KALRN: variants seen among roughly 807,000 people sequenced by gnomAD.
KALRN encodes kalirin RhoGEF kinase.
In KALRN, 70 loss-of-function variants were observed where a neutral mutation model predicts 353.7. That is an observed-to-expected ratio of 0.20 (90% CI 0.16 to 0.24). The LOEUF is 0.24. Ranked by LOEUF, KALRN falls within the 10% of genes least tolerant of loss-of-function variation. The probability of loss-of-function intolerance (pLI) is 1.00; values close to 1 mark genes in which losing one functional copy is unlikely to be tolerated. For synonymous variants in KALRN, 1,391 were observed against 1,434.8 expected, an observed-to-expected ratio of 0.97 and a Z score of 0.69; for missense variants, 2,791 against 3,756.7, an observed-to-expected ratio of 0.74 and a Z score of 6.72.
At chr3:124,626,839 T>C (rs773868774) in intron 34 of KALRN, among the ~76,000 whole-genome samples, 21 of 152,226 alleles carry the variant, frequency 1.4e-4, no homozygotes, top group Admixed American at 1.2e-3. Flanking sequence ...TAAGATTAAA[T>C]ACATGTGTGG....
chr3:124,285,148 C>T (rs993096814), intron 5 of KALRN, among the ~76,000 whole-genome samples: 1 of 152,104 alleles, frequency 6.6e-6, no homozygotes. Flanking sequence ...CAATCCTGAA[C>T]ATGTAAATAA....
intron 34 of KALRN, among the ~76,000 whole-genome samples, chr3:124,590,766 G>A (rs968972282): frequency 6.6e-6 from 1 of 152,012 alleles, no homozygotes; most frequent in African/African-American, 2.4e-5. Context: ...AAAAGGCTGA[G>A]GTCTGAAACC....
At chr3:124,051,091 A>G (rs2040993556) in intron 1 of KALRN, among the ~76,000 whole-genome samples, 1 of 152,238 alleles carries the variant, frequency 6.6e-6, no homozygotes, top group Non-Finnish European at 1.5e-5. Flanking sequence ...TTCCATGTAT[A>G]TACATGTATA....
At chr3:124,491,682 A>C (rs1373884454) in intron 31 of KALRN, 1 of 334,940 alleles carries the variant, frequency 3.0e-6, no homozygotes, top group Non-Finnish European at 5.4e-6. Context: ...TTGTGGGACC[A>C]GCTCAGCAAG....
intron 1 of KALRN, among the ~76,000 whole-genome samples, chr3:124,170,445 T>C (rs953163675): frequency 1.3e-5 from 2 of 152,214 alleles, no homozygotes; most frequent in African/African-American, 4.8e-5. Context: ...CAGCGTCACA[T>C]GGCTGGTGAA....
intron 4 of KALRN, among the ~76,000 whole-genome samples, chr3:124,267,017 T>C (rs2073640432): frequency 6.6e-6 from 1 of 152,196 alleles, no homozygotes; most frequent in Admixed American, 6.5e-5. Context: ...TTGAACAAGC[T>C]TGTCTCTGCC....
chr3:124,484,161 C>CT (rs1467740511), intron 28 of KALRN, among the ~76,000 whole-genome samples: 3 of 152,194 alleles, frequency 2.0e-5, no homozygotes, highest in African/African-American at 7.2e-5. Flanking sequence ...GAAAACCAGT[C>CT]TAATTTTAAA....
chr3:124,122,135 T>TG (rs1263721984), intron 1 of KALRN, among the ~76,000 whole-genome samples: 1 of 152,134 alleles, frequency 6.6e-6, no homozygotes, highest in Non-Finnish European at 1.5e-5. Flanking sequence ...CAGGTGGTGG[T>TG]GCTAAAGAGA....
At position 124,483,323 on chromosome 3, in the gene KALRN, G is replaced by A. The variant is rs2062180951; in HGVS notation, c.4284+423G>A. On this transcript the variant is annotated intron_variant, in intron 28 of 59. Transcript: ENST00000682506. ...CCCAGCACTTTGGGAGGCTGAGATG[G>A]GCAGATCATTTGGGGCCAGGAGTTT... Among the ~76,000 whole-genome samples the A allele has an allele frequency of 2.6e-5, 4 of 152,234 alleles. No individual in the cohort carries two copies. The South Asian group carries it at 8.3e-4, about 32-fold the overall frequency.
chr3:124,188,453 T>C (rs906491382), intron 1 of KALRN, among the ~76,000 whole-genome samples: 1 of 152,220 alleles, frequency 6.6e-6, no homozygotes, highest in Non-Finnish European at 1.5e-5. Flanking sequence ...ATCATTAATA[T>C]CATTATCCCC....
At chr3:124,609,620 T>C (rs967976107) in intron 34 of KALRN, among the ~76,000 whole-genome samples, 11 of 152,148 alleles carry the variant, frequency 7.2e-5, no homozygotes, top group African/African-American at 2.7e-4. Context: ...GGAAGGAAAA[T>C]GAGAGTGAAT....
chr3:124,258,785 T>C (rs993930276), intron 3 of KALRN, among the ~76,000 whole-genome samples: 7 of 152,252 alleles, frequency 4.6e-5, no homozygotes, highest in African/African-American at 1.7e-4. Context: ...AAATATACAA[T>C]TGGCCCTCTA....
intron 33 of KALRN, among the ~76,000 whole-genome samples, chr3:124,554,228 C>T (rs1481064054): frequency 3.3e-5 from 5 of 152,278 alleles, no homozygotes; most frequent in East Asian, 1.9e-4. Flanking sequence ...TGGTGGCATG[C>T]GCCTGTAATT....
rs147926604 is a variant in KALRN at position 124,170,601 on chromosome 3, C to T, written c.74-57389C>T. Among the ~76,000 whole-genome samples the T allele has an allele frequency of 7.0e-3, 1,063 of 152,128 alleles. 12 individuals carry two copies. Among genetic ancestry groups the T allele is most frequent in the African/African-American group, 0.024 (1,006 of 41,496 alleles). On this transcript the variant is annotated intron_variant, in intron 1 of 59. Transcript: ENST00000682506. ...CAACAGGTTGATATATGAGAGAAGA[C>T]GTTTTCCTCTTGAGTACACACAGAG...
intron 25 of KALRN, among the ~76,000 whole-genome samples, chr3:124,467,998 A>G (rs1250736239): frequency 6.6e-6 from 1 of 151,896 alleles, no homozygotes; most frequent in African/African-American, 2.4e-5. Flanking sequence ...CCATCTGCGG[A>G]AAGAGGCCCT....
intron 3 of KALRN, among the ~76,000 whole-genome samples, chr3:124,252,948 C>T (rs746693826): frequency 5.3e-5 from 8 of 152,184 alleles, no homozygotes; most frequent in Non-Finnish European, 7.3e-5. Flanking sequence ...TCCTAGAGAG[C>T]GGCTCATTCT....
chr3:124,279,396 A>C (rs1414660578), intron 5 of KALRN, among the ~76,000 whole-genome samples: 1 of 152,238 alleles, frequency 6.6e-6, no homozygotes, highest in Non-Finnish European at 1.5e-5. Context: ...ATTTGTAGAG[A>C]TAGACTTGTG....
chr3:124,395,346 C>G lies in KALRN; in HGVS notation c.2171+3C>G. 2 of 1,608,468 alleles carry G rather than the reference C, an allele frequency of 1.2e-6. No individual in the cohort carries two copies. The highest frequency in any genetic ancestry group is 1.7e-6 in the Non-Finnish European group (2 of 1,177,462). ...CTCGGGGAGCCCAGCGAGGCCAGGT[C>G]AGCATGGGCAGAGCTTTCCAGTGGG... On this transcript the variant is annotated splice_donor_region_variant and intron_variant, in intron 12 of 59. Coordinates refer to ENST00000682506, the MANE Select transcript of KALRN (RefSeq NM_001388419.1).
At chr3:124,441,849 A>G (rs536296288) in intron 18 of KALRN, 96 bp from the exon 19 acceptor site, 2 of 744,504 alleles carry the variant, frequency 2.7e-6, no homozygotes, top group Non-Finnish European at 4.2e-6. Flanking sequence ...AAAAAAAGCA[A>G]AAGAAAATAT....
Sources: allele counts gnomAD v4.1 joint callset (sites outside exome capture counted in the v4.1 genomes callset), GRCh38; gene constraint gnomAD v4.1.1; transcripts MANE v1.5; gene names NCBI Gene and HGNC (gene_info 2026-07-23, HGNC 2026-07-21).